PARP11: variants seen among roughly 807,000 people sequenced by gnomAD.
PARP11 encodes the protein poly(ADP-ribose) polymerase family member 11, also known as protein mono-ADP-ribosyltransferase PARP11.
Under a neutral mutation model 42.9 loss-of-function variants are expected in PARP11, and 31 were observed. The observed-to-expected ratio is 0.72, with a 90% CI of 0.54 to 0.98. PARP11 has a LOEUF of 0.98. PARP11 is among the 50% of genes least tolerant of loss of function. The pLI is 0.00. For missense variants in PARP11, 365 were observed against 413.1 expected, an observed-to-expected ratio of 0.88 and a Z score of 1.01; for synonymous variants, 137 against 127.3, an observed-to-expected ratio of 1.08 and a Z score of -0.51.
intron 7 of PARP11, 28 bp downstream of exon 7, chr12:3,814,009 A>C: frequency 6.6e-7 from 1 of 1,520,220 alleles, no homozygotes; most frequent in South Asian, 1.3e-5. Flanking sequence ...CCTGGGGCTC[A>C]AATTGGACCT....
chr12:3,856,731 G>A (rs1948197646), intron 1 of PARP11, among the ~76,000 whole-genome samples: 1 of 152,128 alleles, frequency 6.6e-6, no homozygotes, highest in South Asian at 2.1e-4. Context: ...GATTCCTCAA[G>A]GATCTAGAAC....
intron 1 of PARP11, among the ~76,000 whole-genome samples, chr12:3,851,047 A>G (rs766524133): frequency 2.0e-5 from 3 of 152,260 alleles, no homozygotes; most frequent in Non-Finnish European, 4.4e-5. Flanking sequence ...TGAAATAATC[A>G]AAGATCATGA....
intron 1 of PARP11, among the ~76,000 whole-genome samples, chr12:3,857,824 CAT>C (rs1345115947): frequency 2.6e-5 from 4 of 152,156 alleles, no homozygotes; most frequent in African/African-American, 9.7e-5. Flanking sequence ...ATGTTTATAA[CAT>C]GTACTTTCCC....
At chr12:3,846,456 TAAAG>T (rs1176300726) in intron 1 of PARP11, among the ~76,000 whole-genome samples, 1 of 152,050 alleles carries the variant, frequency 6.6e-6, no homozygotes, top group Non-Finnish European at 1.5e-5. Context: ...GATTAAATCA[TAAAG>T]AAATAGAAAA....
chr12:3,847,772 T>C (rs1948030083), intron 1 of PARP11, among the ~76,000 whole-genome samples: 1 of 152,206 alleles, frequency 6.6e-6, no homozygotes, highest in Non-Finnish European at 1.5e-5. Context: ...AAGACAAAGA[T>C]GTCCAGTTTC....
Position 3,830,175 on chromosome 12 carries a change from A to G in PARP11, c.19-157T>C, listed in dbSNP as rs532075796. On this transcript the variant is annotated intron_variant, in intron 1 of 7. Coordinates refer to ENST00000228820, the MANE Select transcript of PARP11 (RefSeq NM_020367.6). The stretch of plus-strand genomic sequence containing the variant: ...TTTCTATCTTTCATATTGGCTCTGA[A>G]GATAAACATTAAAAATGTTGGACAT... Among the ~76,000 whole-genome samples, 4 of 152,370 alleles carry G rather than the reference A, an allele frequency of 2.6e-5. No homozygotes were observed. In the South Asian group the frequency reaches 8.3e-4, roughly 32 times the overall value.
At chr12:3,841,482 G>A (rs1188973784) in intron 1 of PARP11, 13 of 1,480,784 alleles carry the variant, frequency 8.8e-6, no homozygotes, top group Non-Finnish European at 1.1e-5. Flanking sequence ...ACTTTCCTAT[G>A]CAGACTGAGG....
At chr12:3,826,782 C>T (rs1401929407) in intron 3 of PARP11, among the ~76,000 whole-genome samples, 1 of 152,136 alleles carries the variant, frequency 6.6e-6, no homozygotes, top group Non-Finnish European at 1.5e-5. Context: ...TACAAACTTA[C>T]ATAAAAAGAT....
intron 6 of PARP11, among the ~76,000 whole-genome samples, chr12:3,819,388 T>C (rs1047381114): frequency 5.9e-5 from 9 of 152,228 alleles, no homozygotes; most frequent in African/African-American, 1.9e-4. Flanking sequence ...GATTTTGTGT[T>C]GGACACTTCT....
At chr12:3,853,431 T>G (rs997832969) in intron 1 of PARP11, among the ~76,000 whole-genome samples, 2 of 152,070 alleles carry the variant, frequency 1.3e-5, no homozygotes, top group African/African-American at 4.8e-5. Context: ...AATAAAGGGA[T>G]GGAGGAAGAT....
At chr12:3,817,983 A>C (rs1231745498) in intron 6 of PARP11, among the ~76,000 whole-genome samples, 1 of 152,078 alleles carries the variant, frequency 6.6e-6, no homozygotes, top group Non-Finnish European at 1.5e-5. Context: ...CTAAATTCAC[A>C]TTATTAACAA....
chr12:3,841,096 G>A lies in PARP11; in HGVS notation c.19-11078C>T, dbSNP rs910359699. On this transcript the variant is annotated intron_variant, in intron 1 of 7. Coordinates refer to ENST00000228820, the MANE Select transcript of PARP11 (RefSeq NM_020367.6). ...TCATTTAACACCCTCTCCAGTTCCT[G>A]TGTCAATACAGGCAGTTAACCAGCC... 1.4e-5 allele frequency: 23 copies of A among 1,610,194 alleles called. No homozygotes were observed. The Admixed American group carries it at 3.5e-4, about 25-fold the overall frequency.
At chr12:3,858,784 T>C (rs2138110800) in intron 1 of PARP11, among the ~76,000 whole-genome samples, 1 of 152,312 alleles carries the variant, frequency 6.6e-6, no homozygotes, top group South Asian at 2.1e-4. Context: ...CTTTTACTGT[T>C]AAGAATTTAT....
rs1948299362 is a variant in PARP11 at position 3,861,898 on chromosome 12, G to T, written c.18+11314C>A. ...AAATTAGCCAGGCGTGGTGGAGGGTGCCTATAGTCCCAGCTACTCGGGAGG... is the reference window on the plus strand; with the variant it reads ...AAATTAGCCAGGCGTGGTGGAGGGTTCCTATAGTCCCAGCTACTCGGGAGG... On this transcript the variant is annotated intron_variant, in intron 1 of 7. Transcript: ENST00000228820. The surrounding 1 kb of genome is among the most constrained non-coding windows in gnomAD (Gnocchi z 4.6). 6.6e-6 allele frequency among the ~76,000 whole-genome samples: 1 copy of T among 152,086 alleles called. No homozygotes were observed. Among genetic ancestry groups the T allele is most frequent in the Non-Finnish European group, 1.5e-5 (1 of 68,016 alleles).
chr12:3,853,505 C>G (rs1948136595), intron 1 of PARP11, among the ~76,000 whole-genome samples: 1 of 152,174 alleles, frequency 6.6e-6, no homozygotes, highest in Non-Finnish European at 1.5e-5. Flanking sequence ...ATAAAACAGA[C>G]TTTAAACCAA....
At chr12:3,822,032 T>G in intron 5 of PARP11, 29 bp from the exon 6 acceptor site, 1 of 1,609,540 alleles carries the variant, frequency 6.2e-7, no homozygotes, top group Non-Finnish European at 8.5e-7. Context: ...ATAGATTTAC[T>G]GCAGTCATTT....
At position 3,812,181 on chromosome 12, in the gene PARP11, A is replaced by G; in HGVS notation, c.959T>C (p.Ile320Thr). The G allele has an allele frequency of 6.2e-7, 1 of 1,614,154 alleles. No individual in the cohort carries two copies. Among genetic ancestry groups the G allele is most frequent in the South Asian group, 1.1e-5 (1 of 91,066 alleles). The change falls in exon 8 of 8, where the codon ATC (isoleucine) becomes ACC (threonine). Residue 320 changes from isoleucine (I) to threonine (T), a missense_variant. By Grantham distance (89) the Ile-to-Thr change is moderately conservative. Coordinates refer to ENST00000228820, the MANE Select transcript of PARP11 (RefSeq NM_020367.6). ...SCVDDTWNPKIFVVFDANQIY... is the reference protein window; with the variant it reads ...SCVDDTWNPKTFVVFDANQIY... The stretch of plus-strand genomic sequence containing the variant: ...TTGGTTGGCATCAAAAACCACAAAG[A>G]TCTTTGGGTTCCAGGTATCATCCAC...
intron 1 of PARP11, among the ~76,000 whole-genome samples, chr12:3,849,553 G>A (rs1021066546): frequency 2.6e-5 from 4 of 152,062 alleles, no homozygotes; most frequent in Non-Finnish European, 4.4e-5. Context: ...AGCCAAGCAC[G>A]GAAAGACAAA....
At chr12:3,845,196 A>G (rs979236180) in intron 1 of PARP11, among the ~76,000 whole-genome samples, 1 of 152,130 alleles carries the variant, frequency 6.6e-6, no homozygotes, top group African/African-American at 2.4e-5. Flanking sequence ...ATAAATCTTC[A>G]ACTCTTGCCC....
Sources: gnomAD v4.1 joint callset for allele counts (sites outside exome capture counted in the v4.1 genomes callset) on GRCh38, gnomAD v4.1.1 for gene constraint, Gnocchi (gnomAD v3.1) non-coding constraint, MANE v1.5 for transcripts, NCBI Gene and HGNC (gene_info 2026-07-23, HGNC 2026-07-21) for gene names.